Variants in PPP1R42 observed in about 807,000 individuals in gnomAD.
PPP1R42 encodes the protein protein phosphatase 1 regulatory subunit 42, also known as leucine rich repeat containing 67.
In PPP1R42, 34 loss-of-function variants were observed where a neutral mutation model predicts 31.0. That is an observed-to-expected ratio of 1.10 (90% confidence interval 0.83 to 1.46). The LOEUF (loss-of-function observed/expected upper bound fraction) is 1.46, where lower values mean the gene tolerates loss of function less well. Ranked by LOEUF, PPP1R42 falls within the 40% of genes most tolerant of loss-of-function variation. The pLI is 0.00. For synonymous variants in PPP1R42, 103 were observed against 109.8 expected (o/e 0.94, Z 0.39); for missense variants, 268 against 303.0 (o/e 0.88, Z 0.86).
At chr8:66,965,153 G>T (rs1029546851) in intron 7 of PPP1R42, among the ~76,000 whole-genome samples, 1 of 151,452 alleles carries the variant, frequency 6.6e-6, no homozygotes, top group African/African-American at 2.4e-5. Flanking sequence ...CCATTGTGTA[G>T]ATGTACCACA....
chr8:67,008,356 A>G (rs560002220), intron 5 of PPP1R42, among the ~76,000 whole-genome samples: 1 of 152,234 alleles, frequency 6.6e-6, no homozygotes, highest in South Asian at 2.1e-4. Flanking sequence ...TAATAGATTA[A>G]CTTGATGGGG....
chr8:66,981,964 T>G (rs1420990398), intron 7 of PPP1R42, 85 bp downstream of exon 7: 6 of 1,232,056 alleles, frequency 4.9e-6, no homozygotes, highest in Non-Finnish European at 6.1e-6. Context: ...AAACAAAAAC[T>G]ATTTTATTTG....
At chr8:67,001,159 T>C (rs1278443515) in intron 5 of PPP1R42, among the ~76,000 whole-genome samples, 1 of 151,610 alleles carries the variant, frequency 6.6e-6, no homozygotes, top group Non-Finnish European at 1.5e-5. Context: ...ATTTTTTTCA[T>C]AATTTTATTT....
At chr8:66,968,938 T>C (rs60624770) in intron 7 of PPP1R42, among the ~76,000 whole-genome samples, 12,608 of 152,268 alleles carry the variant, frequency 0.083, 1,064 homozygotes, top group African/African-American at 0.22. Flanking sequence ...CTTCACTTGA[T>C]GGTGGCAGAG....
At chr8:66,971,240 G>T in intron 7 of PPP1R42, 1 of 821,616 alleles carries the variant, frequency 1.2e-6, no homozygotes, top group Non-Finnish European at 1.7e-6. Context: ...ATTAAATAAA[G>T]CCAAATGAAT....
intron 1 of PPP1R42, among the ~76,000 whole-genome samples, chr8:67,025,360 CT>C (rs1412257180): frequency 6.6e-6 from 1 of 152,066 alleles, no homozygotes; most frequent in Non-Finnish European, 1.5e-5. Flanking sequence ...GATCCTCCTG[CT>C]TTGGCTTTTC....
chr8:66,981,948 A>C (rs1311442247), intron 7 of PPP1R42, 101 bp downstream of exon 7: 1 of 1,206,838 alleles, frequency 8.3e-7, no homozygotes, highest in African/African-American at 1.6e-5. Context: ...ACAACAACAA[A>C]AAACTAAACA....
chr8:66,972,852 A>C (rs1021088118), intron 7 of PPP1R42, among the ~76,000 whole-genome samples: 1 of 152,192 alleles, frequency 6.6e-6, no homozygotes, highest in Non-Finnish European at 1.5e-5. Flanking sequence ...AATTCCCACC[A>C]AATTGAAGTG....
In PPP1R42 at chr8:67,010,807, T is replaced by G; in HGVS notation, c.460A>C (p.Ser154Arg). ...LAKSLCILNI[S>R]NNNIDDITDL... ...GTAATGTCATCAATATTATTATTGC[T>G]GATATTCAATATACAGAGGGATTTC... is the stretch of plus-strand genomic sequence containing the variant. The change falls in exon 5 of 8, where the codon AGC (serine) becomes CGC (arginine). Residue 154 changes from serine (S) to arginine (R), a missense_variant. Ser to Arg is a moderately radical substitution (Grantham distance 110). Transcript: ENST00000685739. 1 of 1,600,198 alleles carries G rather than the reference T, an allele frequency of 6.2e-7. No individual in the cohort carries two copies. The highest frequency in any genetic ancestry group is 1.7e-4 in the Middle Eastern group (1 of 5,998).
intron 2 of PPP1R42, among the ~76,000 whole-genome samples, chr8:67,015,515 C>A (rs1380261297): frequency 2.6e-5 from 4 of 151,614 alleles, no homozygotes; most frequent in South Asian, 2.1e-4. Context: ...AGGATATTAC[C>A]TAAATATTAA....
intron 5 of PPP1R42, among the ~76,000 whole-genome samples, chr8:66,997,067 T>G (rs906633950): frequency 2.0e-5 from 3 of 152,144 alleles, no homozygotes; most frequent in Non-Finnish European, 4.4e-5. Context: ...GCAGAAGAAT[T>G]GCTTGAACCC....
intron 6 of PPP1R42, chr8:66,984,647 C>T (rs1814948584): frequency 7.2e-7 from 1 of 1,391,522 alleles, no homozygotes; most frequent in Non-Finnish European, 1.0e-6. Context: ...ATTTTCTTGA[C>T]CTTTCTGTGT....
chr8:66,972,176 T>C (rs1199018607), intron 7 of PPP1R42, among the ~76,000 whole-genome samples: 1 of 152,220 alleles, frequency 6.6e-6, no homozygotes, highest in African/African-American at 2.4e-5. Context: ...TTATTGTATA[T>C]TACATACGTG....
At position 67,006,961 on chromosome 8, in the gene PPP1R42, T is replaced by A. The variant is rs186579688; in HGVS notation, c.552+3754A>T. On this transcript the variant is annotated intron_variant, in intron 5 of 7. Transcript: ENST00000685739. ...GGTTTCACCATGTTAGCCAGGATGGTCTCGATCTCCTGACCTTGTGATCCA... is the reference window on the plus strand; with the variant it reads ...GGTTTCACCATGTTAGCCAGGATGGACTCGATCTCCTGACCTTGTGATCCA... Among the ~76,000 whole-genome samples, 284 of 150,714 alleles carry A rather than the reference T, an allele frequency of 1.9e-3. 4 individuals are homozygous for A. The highest frequency in any genetic ancestry group is 6.7e-3 in the African/African-American group (273 of 41,018).
chr8:66,987,805 C>A (rs1815068801), intron 6 of PPP1R42, among the ~76,000 whole-genome samples: 1 of 152,152 alleles, frequency 6.6e-6, no homozygotes, highest in Admixed American at 6.5e-5. Flanking sequence ...TAAAATGACT[C>A]CCATAGCCTT....
intron 1 of PPP1R42, among the ~76,000 whole-genome samples, chr8:67,027,739 AGT>A: frequency 6.6e-6 from 1 of 152,152 alleles, no homozygotes; most frequent in East Asian, 1.9e-4. Context: ...GCACTTGTGA[AGT>A]GTCTTTGGTT....
In PPP1R42 at chr8:67,010,715, C is replaced by T. The variant is rs1292986621; in HGVS notation, c.552G>A (p.Lys184=). The T allele has an allele frequency of 1.9e-6, 3 of 1,563,594 alleles. No individual in the cohort carries two copies. The highest frequency in any genetic ancestry group is 2.6e-6 in the Non-Finnish European group (3 of 1,143,334). ...AAAAATTAATTTCTCTTTACACTAC[C>T]TTCACATGCAGAAGTTGGTTGTCAA... ...IAVDNQLLHV[K]DLEFLLNKLM... The change falls in exon 5 of 8, where the codon AAG becomes AAA. Residue 184 remains lysine (K), a splice_region_variant and synonymous_variant. Coordinates refer to ENST00000685739, the MANE Select transcript of PPP1R42 (RefSeq NM_001364910.1).
At chr8:67,012,492 G>A (rs1815873018) in intron 4 of PPP1R42, among the ~76,000 whole-genome samples, 1 of 152,138 alleles carries the variant, frequency 6.6e-6, no homozygotes, top group Admixed American at 6.5e-5. Flanking sequence ...ATGTGGTAGA[G>A]CTGTATGTAG....
At position 66,981,775 on chromosome 8, in the gene PPP1R42, A is replaced by G. The variant is rs568568888; in HGVS notation, c.802+274T>C. On this transcript the variant is annotated intron_variant, in intron 7 of 7. Coordinates refer to ENST00000685739, the MANE Select transcript of PPP1R42 (RefSeq NM_001364910.1). ...ACTTTTGCCAGGTATACAATTATAC[A>G]TTTTTCCCCACCCTTGTGGCTCTAT... 3.9e-5 allele frequency among the ~76,000 whole-genome samples: 6 copies of G among 152,258 alleles called. No homozygotes were observed. The South Asian group carries it at 8.3e-4, about 21-fold the overall frequency.
Sources: gnomAD v4.1 joint callset for allele counts (sites outside exome capture counted in the v4.1 genomes callset) on GRCh38, gnomAD v4.1.1 for gene constraint, MANE v1.5 for transcripts, NCBI Gene and HGNC (gene_info 2026-07-23, HGNC 2026-07-21) for gene names.